KLRG1: variants seen among roughly 807,000 people sequenced by gnomAD.
KLRG1 encodes killer cell lectin-like receptor subfamily G member 1.
Under a neutral mutation model 21.8 loss-of-function variants are expected in KLRG1, and 16 were observed. The ratio of observed to expected loss-of-function variants is 0.73; its 90% CI spans 0.50 to 1.11. The LOEUF (loss-of-function observed/expected upper bound fraction) is 1.11. Ranked by LOEUF, KLRG1 falls within the 50% of genes most tolerant of loss-of-function variation. KLRG1 has a pLI of 0.00. For synonymous variants in KLRG1, 69 were observed against 75.9 expected (o/e 0.91, Z 0.47); for missense variants, 173 against 218.3 (o/e 0.79, Z 1.31).
chr12:9,156,280 G>A, the KLRG1 span: 2 of 213,024 alleles, frequency 9.4e-6, no homozygotes, highest in East Asian at 2.2e-4. Context: ...CTTCAGTGAA[G>A]GCATCTCCAC....
At chr12:8,955,944 C>G (rs1287453244) in intron 1 of KLRG1, among the ~76,000 whole-genome samples, 1 of 152,116 alleles carries the variant, frequency 6.6e-6, no homozygotes, top group African/African-American at 2.4e-5. Context: ...GGTGCTTTTT[C>G]CAGGCTGCCT....
the KLRG1 span, chr12:9,072,658 G>C: frequency 6.2e-7 from 1 of 1,614,008 alleles, no homozygotes. Flanking sequence ...CTCACCTGGA[G>C]GTAGACACAT....
rs774779652 is a variant in KLRG1 at position 9,009,023 on chromosome 12, A to G, written c.406A>G (p.Arg136Gly). 2 of 1,613,926 alleles carry G rather than the reference A, an allele frequency of 1.2e-6. No homozygotes were observed. Among genetic ancestry groups the G allele is most frequent in the South Asian group, 2.2e-5 (2 of 91,070 alleles). ...TGAGGCCTTTTGCTGGATTGGTCTG[A>G]GGAACAATTCTGGCTGGAGGTGGGA... ...LSEAFCWIGLRNNSGWRWEDG... is the reference protein window; with the variant it reads ...LSEAFCWIGLGNNSGWRWEDG... Residue 136 changes from arginine (R) to glycine (G), a missense_variant, in exon 4 of 5, where the codon AGG becomes GGG. By Grantham distance (125) the Arg-to-Gly change is moderately radical (BLOSUM62 -2). Coordinates refer to ENST00000356986, the MANE Select transcript of KLRG1 (RefSeq NM_005810.4).
chr12:9,101,573 C>T, the KLRG1 span: 1 of 1,614,002 alleles, frequency 6.2e-7, no homozygotes, highest in South Asian at 1.1e-5. Context: ...GGACAAAGCT[C>T]TTGCTTGGGG....
chr12:9,016,381 T>C, the KLRG1 span, among the ~76,000 whole-genome samples: 1 of 152,138 alleles, frequency 6.6e-6, no homozygotes, highest in Non-Finnish European at 1.5e-5. Context: ...CAAGCAACTA[T>C]ATGCCAATAA....
chr12:9,158,874 G>C, the KLRG1 span, among the ~76,000 whole-genome samples: 1 of 147,854 alleles, frequency 6.8e-6, no homozygotes, highest in African/African-American at 2.5e-5. Context: ...TTTCTTGGTT[G>C]GTTAACTAAG....
At chr12:9,042,998 T>C in the KLRG1 span, among the ~76,000 whole-genome samples, 5 of 152,160 alleles carry the variant, frequency 3.3e-5, no homozygotes. Context: ...TCTCTCAATT[T>C]TTTTGAATAG....
At chr12:9,106,345 A>C in the KLRG1 span, 1 of 1,595,738 alleles carries the variant, frequency 6.3e-7, no homozygotes, top group Non-Finnish European at 8.6e-7. Flanking sequence ...CAATTCCACC[A>C]CTGAAAAAAG....
the KLRG1 span, among the ~76,000 whole-genome samples, chr12:9,142,853 GT>G: frequency 1.3e-5 from 2 of 152,112 alleles, no homozygotes; most frequent in South Asian, 4.2e-4. Context: ...GAAAACAAAG[GT>G]TTTTCCCCAA....
chr12:9,150,844 A>G, the KLRG1 span: 147,960 of 773,852 alleles, frequency 0.19, 16,373 homozygotes, highest in East Asian at 0.41. Context: ...CTTTTTCACC[A>G]GTGTCTTTAG....
chr12:9,211,490 T>C, the KLRG1 span, among the ~76,000 whole-genome samples: 1 of 152,216 alleles, frequency 6.6e-6, no homozygotes, highest in African/African-American at 2.4e-5. Context: ...GTTCATACAT[T>C]GTTTTTCTAA....
chr12:9,205,741 A>G, the KLRG1 span, among the ~76,000 whole-genome samples: 1 of 152,084 alleles, frequency 6.6e-6, no homozygotes, highest in Admixed American at 6.5e-5. Flanking sequence ...GCCAACATAA[A>G]CTCTTACTTT....
Position 8,992,282 on chromosome 12 carries a change from GCTGCT to G in KLRG1, c.160_164del (p.Leu54IlefsTer19). The G allele has an allele frequency of 6.2e-7, 1 of 1,613,758 alleles. No homozygotes were observed. The highest frequency in any genetic ancestry group is 8.5e-7 in the Non-Finnish European group (1 of 1,179,800). On this transcript the variant is annotated frameshift_variant, in exon 2 of 5. Transcript: ENST00000356986. LOFTEE classifies it high-confidence loss of function. The stretch of plus-strand genomic sequence containing the variant: ...TTCTGACTGCAGTTCTTCTGAGTGT[GCTGCT>G]ATACCAGTGGATCCTGTGCCAGGGT...
At chr12:8,974,955 G>C (rs770142902) in intron 1 of KLRG1, among the ~76,000 whole-genome samples, 7 of 151,980 alleles carry the variant, frequency 4.6e-5, no homozygotes, top group African/African-American at 1.7e-4. Flanking sequence ...GGGTGCAGTG[G>C]TGTGATCTAG....
upstream of KLRG1, chr12:8,987,556 C>A (rs982675397): frequency 6.6e-6 from 1 of 152,128 alleles, no homozygotes; most frequent in Non-Finnish European, 1.5e-5. Flanking sequence ...TTGTGATAGT[C>A]CAAGCAAGTG....
chr12:9,071,958 C>T, the KLRG1 span, among the ~76,000 whole-genome samples: 3 of 152,086 alleles, frequency 2.0e-5, no homozygotes, highest in Non-Finnish European at 4.4e-5. Flanking sequence ...TCATATATAA[C>T]CTGAGATTTA....
chr12:9,153,320 G>A, the KLRG1 span: 10 of 1,613,582 alleles, frequency 6.2e-6, no homozygotes, highest in South Asian at 6.6e-5. Flanking sequence ...ACCTGGACAG[G>A]GCATGGAGAG....
At chr12:9,094,546 C>T in the KLRG1 span, among the ~76,000 whole-genome samples, 1 of 151,752 alleles carries the variant, frequency 6.6e-6, no homozygotes, top group Non-Finnish European at 1.5e-5. Flanking sequence ...TCAACTTATC[C>T]TCAATCATGA....
At chr12:9,144,993 C>T in the KLRG1 span, among the ~76,000 whole-genome samples, 2 of 152,240 alleles carry the variant, frequency 1.3e-5, no homozygotes, top group Non-Finnish European at 2.9e-5. Flanking sequence ...GCCCTGTCAC[C>T]TACTCTCTTG....
Sources: allele counts gnomAD v4.1 joint callset (sites outside exome capture counted in the v4.1 genomes callset), GRCh38; gene constraint gnomAD v4.1.1; transcripts MANE v1.5; gene names NCBI Gene and HGNC (gene_info 2026-07-23, HGNC 2026-07-21).